The following JADE3 variants were observed in gnomAD, a reference collection of about 807,000 sequenced individuals.
JADE3 encodes the protein jade family PHD finger 3.
A neutral mutation model predicts 50.1 loss-of-function variants in JADE3; 2 were observed. The observed-to-expected ratio is 0.04, with a 90% CI of 0.02 to 0.13. JADE3 has a LOEUF of 0.13. Among genes scored for constraint, JADE3 ranks in the 10% least tolerant of loss-of-function variants. The pLI is 1.00. For missense variants in JADE3, 475 were observed against 634.4 expected (o/e 0.75, Z 2.70); for synonymous variants, 218 against 232.9 (o/e 0.94, Z 0.58).
chrX:46,917,421 TGAG>T (rs782706578), intron 1 of JADE3, among the ~76,000 whole-genome samples: 15 of 111,386 alleles, frequency 1.3e-4, no homozygotes, highest in Non-Finnish European at 2.3e-4. Flanking sequence ...TCTCTCTCTC[TGAG>T]GTGTGAGACT....
At chrX:46,942,670 G>A (rs782032316) in intron 1 of JADE3, among the ~76,000 whole-genome samples, 34 of 111,459 alleles carry the variant, frequency 3.1e-4, no homozygotes, top group South Asian at 2.2e-3. Flanking sequence ...GGATTGCTTT[G>A]GCTATTTAGG....
chrX:47,018,665 A>G (rs781881309), intron 4 of JADE3, among the ~76,000 whole-genome samples: 98 of 112,279 alleles, frequency 8.7e-4, no homozygotes, highest in African/African-American at 3.1e-3. Context: ...TATCTTATTT[A>G]AAATTTAAAA....
intron 1 of JADE3, among the ~76,000 whole-genome samples, chrX:46,928,147 C>T (rs12560179): frequency 0.048 from 5,295 of 111,384 alleles, 143 homozygotes; most frequent in Non-Finnish European, 0.074. Context: ...TTCCCTCTCC[C>T]GTACCATCAA....
intron 8 of JADE3, among the ~76,000 whole-genome samples, chrX:47,045,615 A>T (rs1224652230): frequency 1.8e-5 from 2 of 112,596 alleles, no homozygotes; most frequent in Non-Finnish European, 3.8e-5. Context: ...CAGCACATGG[A>T]GTATTCTCAA....
In JADE3 at chrX:47,028,218, T is replaced by G. The variant is rs189956998; in HGVS notation, c.687+115T>G. On this transcript the variant is annotated intron_variant, in intron 6 of 10. Coordinates refer to ENST00000614628, the MANE Select transcript of JADE3 (RefSeq NM_014735.5). ...TGCATTTAAGGGTGAAAATAAAGAT[T>G]TGGCCTGGTTGTTCTTCAGTATTTC... The G allele has an allele frequency of 3.6e-5, 18 of 498,746 alleles. No homozygotes were observed. In the African/African-American group the frequency reaches 4.1e-4, roughly 11 times the overall value. The allele number at this position is 498,746 out of a possible 1,213,427, so 41.1% of individuals were successfully genotyped here. A position where few individuals can be genotyped will look rare whatever the true frequency, so the allele number is the denominator to read the frequency against.
At chrX:46,945,114 C>T (rs150057250) in intron 1 of JADE3, among the ~76,000 whole-genome samples, 2 of 109,006 alleles carry the variant, frequency 1.8e-5, no homozygotes, top group African/African-American at 6.7e-5. Flanking sequence ...ACCTTGACCT[C>T]CCAAAGTGCT....
intron 4 of JADE3, among the ~76,000 whole-genome samples, chrX:47,023,347 T>C (rs1365731417): frequency 1.8e-5 from 2 of 111,351 alleles, no homozygotes; most frequent in African/African-American, 3.3e-5. Context: ...CTCCCACTTA[T>C]AAGTGAGAAC....
intron 8 of JADE3, among the ~76,000 whole-genome samples, chrX:47,043,742 C>G (rs185976577): frequency 0.012 from 1,268 of 107,730 alleles, 12 homozygotes; most frequent in Non-Finnish European, 0.019. Flanking sequence ...TAGTGTGAAC[C>G]TGGGAGGCGG....
Position 47,059,130 on chromosome X carries a change from A to G in JADE3, c.*53A>G, listed in dbSNP as rs1602428384. On this transcript the variant is annotated 3_prime_UTR_variant, in exon 11 of 11. Transcript: ENST00000614628. Reference sequence around the variant, plus strand: ...TTTGCCTTTGCCCCATATATTGGGGAAAACCCATACACCAAAAGGATTTTA... The same window carrying G: ...TTTGCCTTTGCCCCATATATTGGGGGAAACCCATACACCAAAAGGATTTTA... The G allele has an allele frequency of 4.4e-6, 4 of 907,787 alleles. No individual in the cohort carries two copies. In the East Asian group the frequency reaches 1.2e-4, roughly 28 times the overall value. The allele number at this position is 907,787 out of a possible 1,213,427, so 74.8% of individuals were successfully genotyped here.
chrX:47,039,846 A>G (rs1929219267), intron 8 of JADE3, among the ~76,000 whole-genome samples: 1 of 111,697 alleles, frequency 9.0e-6, no homozygotes, highest in South Asian at 3.8e-4. Flanking sequence ...GTGTACAGAT[A>G]ATTTTCTCAC....
chrX:46,961,337 T>C (rs782758249), intron 1 of JADE3, among the ~76,000 whole-genome samples: 1 of 111,899 alleles, frequency 8.9e-6, no homozygotes, highest in African/African-American at 3.2e-5. Context: ...GCTCTGAACT[T>C]GTTTTTAGGT....
intron 4 of JADE3, among the ~76,000 whole-genome samples, chrX:47,007,074 G>A (rs1928445204): frequency 1.8e-5 from 2 of 110,756 alleles, no homozygotes; most frequent in Admixed American, 9.6e-5. Context: ...AAAGTGCTGG[G>A]ATTATGGGTG....
chrX:47,003,700 A>G (rs1189749029), intron 4 of JADE3, among the ~76,000 whole-genome samples: 4 of 100,223 alleles, frequency 4.0e-5, no homozygotes, highest in Non-Finnish European at 7.9e-5. Context: ...TATATAATTA[A>G]TGTATATATA....
In JADE3 at chrX:47,054,429, A is replaced by T; in HGVS notation, c.1244A>T (p.Asp415Val). ...EEFYSLVRVE[D>V]VAAELGMPTL... ...TTCTATTCCTTGGTACGAGTGGAAG[A>T]TGTGGCCGCAGAGCTGGGTATGCCC... is the stretch of plus-strand genomic sequence containing the variant. The change falls in exon 9 of 11, where the codon GAT (aspartate) becomes GTT (valine). Residue 415 changes from aspartate (D) to valine (V), a missense_variant. Physicochemically the swap from Asp to Val is radical, Grantham distance 152. Transcript: ENST00000614628. 8.3e-7 allele frequency: 1 copy of T among 1,211,369 alleles called. No homozygotes were observed. The highest frequency in any genetic ancestry group is 1.1e-6 in the Non-Finnish European group (1 of 895,227).
At chrX:46,923,240 C>G (rs1556338123) in intron 1 of JADE3, among the ~76,000 whole-genome samples, 1 of 108,009 alleles carries the variant, frequency 9.3e-6, no homozygotes, top group African/African-American at 3.3e-5. Flanking sequence ...GTCTGGAACT[C>G]CTGGGTTCAG....
chrX:46,995,099 A>G (rs1458045756), intron 3 of JADE3, among the ~76,000 whole-genome samples: 1 of 102,467 alleles, frequency 9.8e-6, no homozygotes, highest in Non-Finnish European at 2.0e-5. Context: ...GTGTGATCTC[A>G]GCTCACTGCA....
intron 8 of JADE3, among the ~76,000 whole-genome samples, chrX:47,044,448 G>C (rs146112815): frequency 0.011 from 1,256 of 111,419 alleles, 13 homozygotes; most frequent in Middle Eastern, 0.051. Flanking sequence ...TCATTCAAAC[G>C]TGAAGGAGAA....
chrX:47,022,769 C>G (rs1556364747), intron 4 of JADE3, among the ~76,000 whole-genome samples: 2 of 111,209 alleles, frequency 1.8e-5, no homozygotes, highest in African/African-American at 6.5e-5. Context: ...AGGCCTCATA[C>G]AGTATTTAAA....
intron 8 of JADE3, among the ~76,000 whole-genome samples, chrX:47,041,969 C>CT (rs1310295375): frequency 4.6e-5 from 5 of 109,874 alleles, no homozygotes; most frequent in African/African-American, 6.6e-5. Context: ...CACACCTGGC[C>CT]TTTTTTTTTC....
Sources: allele counts gnomAD v4.1 joint callset (sites outside exome capture counted in the v4.1 genomes callset), GRCh38; gene constraint gnomAD v4.1.1; transcripts MANE v1.5; gene names NCBI Gene and HGNC (gene_info 2026-07-23, HGNC 2026-07-21).